DPYD: variants seen among roughly 807,000 people sequenced by gnomAD.
The protein encoded by DPYD is dihydropyrimidine dehydrogenase [NADP(+)].
In DPYD, 109 loss-of-function variants were observed where a neutral mutation model predicts 116.2. The ratio of observed to expected loss-of-function variants is 0.94; its 90% confidence interval spans 0.80 to 1.10. The LOEUF is 1.10. Among genes scored for constraint, DPYD ranks in the 50% least tolerant of loss-of-function variants. The pLI is 0.00. For synonymous variants in DPYD, 440 were observed against 432.0 expected (o/e 1.02, Z -0.23); for missense variants, 1,302 against 1,254.5 (o/e 1.04, Z -0.57).
intron 20 of DPYD, among the ~76,000 whole-genome samples, chr1:97,180,248 T>C (rs968234148): frequency 6.6e-6 from 1 of 152,166 alleles, no homozygotes; most frequent in Non-Finnish European, 1.5e-5. Context: ...GTTGACTCTT[T>C]ACATTATCAA....
chr1:97,334,518 G>A (rs765613841), intron 16 of DPYD, among the ~76,000 whole-genome samples: 5 of 152,178 alleles, frequency 3.3e-5, no homozygotes, highest in South Asian at 2.1e-4. Context: ...TGCATATTGC[G>A]TGGTCTGTGA....
chr1:97,731,409 A>C (rs1262386732), intron 4 of DPYD, among the ~76,000 whole-genome samples: 1 of 152,152 alleles, frequency 6.6e-6, no homozygotes, highest in Admixed American at 6.5e-5. Context: ...TTTTCAAAGT[A>C]GTTTTCAAAA....
intron 12 of DPYD, among the ~76,000 whole-genome samples, chr1:97,523,378 T>C (rs1648829316): frequency 1.3e-5 from 2 of 152,190 alleles, no homozygotes; most frequent in Non-Finnish European, 2.9e-5. Context: ...GTAAAGGTTT[T>C]ATTCACTTAC....
rs573539344 is a variant in DPYD at position 97,462,910 on chromosome 1, G to A, written c.1741-12687C>T. Among the ~76,000 whole-genome samples the A allele has an allele frequency of 1.9e-4, 29 of 152,144 alleles. No homozygotes were observed. The South Asian group carries it at 5.8e-3, about 30-fold the overall frequency. On this transcript the variant is annotated intron_variant, in intron 13 of 22. Transcript: ENST00000370192. The stretch of plus-strand genomic sequence containing the variant: ...TCTCTCTGTAGCCTGCTACCTGGAG[G>A]CTTCATCTGCATAATAAGAATCTTG...
chr1:97,165,807 G>C (rs2101755767), intron 20 of DPYD, among the ~76,000 whole-genome samples: 1 of 152,102 alleles, frequency 6.6e-6, no homozygotes, highest in East Asian at 1.9e-4. Flanking sequence ...TGGCCAACAA[G>C]TATATGAAAA....
intron 19 of DPYD, among the ~76,000 whole-genome samples, chr1:97,226,015 A>G (rs1016297468): frequency 2.2e-4 from 34 of 152,156 alleles, no homozygotes; most frequent in African/African-American, 8.2e-4. Context: ...AACTGAATTC[A>G]ACAGCACATT....
chr1:97,193,621 T>G (rs1304946603), intron 19 of DPYD, among the ~76,000 whole-genome samples: 1 of 152,180 alleles, frequency 6.6e-6, no homozygotes, highest in Non-Finnish European at 1.5e-5. Context: ...TCTATTGGGA[T>G]GTGCTGCCTG....
At chr1:97,626,134 T>C (rs1398401770) in intron 8 of DPYD, among the ~76,000 whole-genome samples, 1 of 152,068 alleles carries the variant, frequency 6.6e-6, no homozygotes, top group Non-Finnish European at 1.5e-5. Context: ...CAGCATTAAA[T>C]ACTTAACTAT....
At chr1:97,328,570 T>C (rs1005594584) in intron 16 of DPYD, among the ~76,000 whole-genome samples, 7 of 152,180 alleles carry the variant, frequency 4.6e-5, no homozygotes. Context: ...TTTTGCTTAA[T>C]AGAAATGTAC....
chr1:97,239,457 T>C (rs1434767588), intron 18 of DPYD, among the ~76,000 whole-genome samples: 1 of 152,108 alleles, frequency 6.6e-6, no homozygotes, highest in African/African-American at 2.4e-5. Flanking sequence ...CAAAATATTT[T>C]TTAAGCACCT....
rs539298754 is a variant in DPYD, at chr1:97,186,238, GT to G, written c.2622+6830del. ...AGTTTTATGAAATTGTGTTATTTCA[GT>G]TTTTTTTATTAGTATAAAATTAAGG... On this transcript the variant is annotated intron_variant, in intron 20 of 22. Coordinates refer to ENST00000370192, the MANE Select transcript of DPYD (RefSeq NM_000110.4). Among the ~76,000 whole-genome samples, 157 of 152,012 alleles carry G rather than the reference GT, an allele frequency of 1.0e-3. 1 individual carries two copies. Among genetic ancestry groups the G allele is most frequent in the African/African-American group, 3.5e-3 (144 of 41,476 alleles).
intron 3 of DPYD, among the ~76,000 whole-genome samples, chr1:97,823,188 T>G (rs1247846727): frequency 6.6e-6 from 1 of 152,156 alleles, no homozygotes; most frequent in Non-Finnish European, 1.5e-5. Flanking sequence ...GGAGTCTCAC[T>G]CTGTCACCCA....
At chr1:97,453,262 C>T (rs1042730081) in intron 13 of DPYD, among the ~76,000 whole-genome samples, 1 of 151,986 alleles carries the variant, frequency 6.6e-6, no homozygotes, top group Non-Finnish European at 1.5e-5. Context: ...AATAGAATGC[C>T]CCCATTCAGA....
At chr1:97,632,512 T>C (rs183440799) in intron 8 of DPYD, among the ~76,000 whole-genome samples, 1 of 152,198 alleles carries the variant, frequency 6.6e-6, no homozygotes, top group African/African-American at 2.4e-5. Flanking sequence ...TGAATGAGAG[T>C]AACAAATATT....
In DPYD at chr1:97,574,915, C is replaced by T. The variant is rs79056965; in HGVS notation, c.1129-945G>A. Among the ~76,000 whole-genome samples, 298 of 152,212 alleles carry T rather than the reference C, an allele frequency of 2.0e-3. 2 individuals carry two copies. The highest frequency in any genetic ancestry group is 0.016 in the East Asian group (81 of 5,186). The stretch of plus-strand genomic sequence containing the variant: ...TTCCACTGAGGTTGTGTGTATGAGG[C>T]TTCAAACTAAGAGTTATCTGAGCTT... On this transcript the variant is annotated intron_variant, in intron 10 of 22. Coordinates refer to ENST00000370192, the MANE Select transcript of DPYD (RefSeq NM_000110.4).
chr1:97,477,120 C>T (rs1678010580), intron 13 of DPYD, among the ~76,000 whole-genome samples: 1 of 152,132 alleles, frequency 6.6e-6, no homozygotes, highest in Non-Finnish European at 1.5e-5. Context: ...TTTGCTGTAT[C>T]ACTTGGCTCT....
intron 12 of DPYD, among the ~76,000 whole-genome samples, chr1:97,543,920 C>T (rs1650634611): frequency 6.6e-6 from 1 of 152,098 alleles, no homozygotes; most frequent in African/African-American, 2.4e-5. Flanking sequence ...AGGAGAAAGC[C>T]AATCCTGAAG....
chr1:97,499,196 C>T (rs1679439918), intron 13 of DPYD, among the ~76,000 whole-genome samples: 1 of 151,560 alleles, frequency 6.6e-6, no homozygotes, highest in South Asian at 2.1e-4. Flanking sequence ...TTAAATAAAA[C>T]AAATTTCTGT....
At chr1:97,176,779 G>C (rs1220531975) in intron 20 of DPYD, among the ~76,000 whole-genome samples, 2 of 151,636 alleles carry the variant, frequency 1.3e-5, no homozygotes, top group Non-Finnish European at 2.9e-5. Context: ...ATAAAGAGAG[G>C]AATATTGGCT....
Sources: allele counts gnomAD v4.1 joint callset (sites outside exome capture counted in the v4.1 genomes callset), GRCh38; gene constraint gnomAD v4.1.1; transcripts MANE v1.5; gene names NCBI Gene and HGNC (gene_info 2026-07-23, HGNC 2026-07-21).